Variants in IL2RB observed in about 807,000 individuals in gnomAD.
IL2RB encodes the protein interleukin-2 receptor subunit beta.
In IL2RB, 17 loss-of-function variants were observed where a neutral mutation model predicts 44.2. The ratio of observed to expected loss-of-function variants is 0.38; its 90% confidence interval spans 0.26 to 0.58. The LOEUF is 0.58. Ranked by LOEUF, IL2RB falls within the 20% of genes least tolerant of loss-of-function variation. IL2RB has a pLI of 0.63. For missense variants in IL2RB, 624 were observed against 685.5 expected, an observed-to-expected ratio of 0.91 and a Z score of 1.00; for synonymous variants, 286 against 297.9, an observed-to-expected ratio of 0.96 and a Z score of 0.41.
At position 37,142,440 on chromosome 22, in the gene IL2RB, G is replaced by T; in HGVS notation, c.276C>A (p.Ala92=). ...ASWACNLILG[A]PDSQKLTTVD... is the part of the protein sequence containing the mutation. Reference sequence around the variant, plus strand: ...CCCTGGGTGGGCTACTCACATCTGGGGCTCCGAGGATCAGGTTGCAGGCCC... The same window carrying T: ...CCCTGGGTGGGCTACTCACATCTGGTGCTCCGAGGATCAGGTTGCAGGCCC... The change falls in exon 4 of 10, where the codon GCC becomes GCA. Residue 92 remains alanine, a synonymous_variant. Coordinates refer to ENST00000216223, the MANE Select transcript of IL2RB (RefSeq NM_000878.5). The T allele has an allele frequency of 6.2e-7, 1 of 1,614,116 alleles. No homozygotes were observed. The highest frequency in any genetic ancestry group is 2.2e-5 in the East Asian group (1 of 44,890).
chr22:37,135,336 G>A lies in IL2RB; in HGVS notation c.810C>T (p.Thr270=), dbSNP rs115475423. ...LVYLLINCRN[T]GPWLKKVLKC... is the part of the protein sequence containing the mutation. The stretch of plus-strand genomic sequence containing the variant: ...GAGGAGAACCTTCTTACCATGGCCC[G>A]GTGTTCCTGCAGTTGATCAGCAAGT... The change falls in exon 8 of 10, where the codon ACC becomes ACT. Residue 270 remains threonine, a synonymous_variant. Coordinates refer to ENST00000216223, the MANE Select transcript of IL2RB (RefSeq NM_000878.5). The A allele has an allele frequency of 5.8e-4, 941 of 1,612,290 alleles. 1 individual carries two copies. The African/African-American group carries it at 7.0e-3, about 12-fold the overall frequency.
intron 8 of IL2RB, among the ~76,000 whole-genome samples, chr22:37,132,843 G>A (rs985074412): frequency 6.6e-6 from 1 of 152,240 alleles, no homozygotes; most frequent in Non-Finnish European, 1.5e-5. Context: ...GCTAGAAGAA[G>A]TGGAATGAAC....
chr22:37,140,286 CATTATTATTATTATT>C (rs58127106), intron 4 of IL2RB, among the ~76,000 whole-genome samples: 3,187 of 145,460 alleles, frequency 0.022, 57 homozygotes, highest in African/African-American at 0.051. Flanking sequence ...ATAGTAGTCT[CATTATTATTATTATT>C]ATTATTATTA....
At position 37,143,550 on chromosome 22, in the gene IL2RB, G is replaced by A. The variant is rs1922068908; in HGVS notation, c.174C>T (p.Ser58=). The A allele has an allele frequency of 6.2e-7, 1 of 1,613,764 alleles. No homozygotes were observed. Among genetic ancestry groups the A allele is most frequent in the Non-Finnish European group, 8.5e-7 (1 of 1,179,766 alleles). ...TGTCCGGCCAGGCATGGACTTGGCA[G>A]GAAGTGTCCTGCAGAGCCCCATCTT... ...WSQDGALQDT[S]CQVHAWPDRR... is the part of the protein sequence containing the mutation. Residue 58 remains serine (S), a synonymous_variant, in exon 3 of 10, where the codon TCC becomes TCT. Coordinates refer to ENST00000216223, the MANE Select transcript of IL2RB (RefSeq NM_000878.5).
chr22:37,137,113 T>C (rs1921746935), intron 6 of IL2RB, among the ~76,000 whole-genome samples: 2 of 152,116 alleles, frequency 1.3e-5, no homozygotes, highest in South Asian at 2.1e-4. Flanking sequence ...TTCCTGAGAG[T>C]GGAAGTTTGC....
At chr22:37,136,444 C>T (rs1281548621) in intron 6 of IL2RB, 51 bp from the exon 7 acceptor site, 8 of 1,549,748 alleles carry the variant, frequency 5.2e-6, no homozygotes, top group East Asian at 2.4e-5. Context: ...CATGGCAGGG[C>T]CAGGAGGCTG....
chr22:37,128,173 C>A lies in IL2RB; in HGVS notation c.1579G>T (p.Ala527Ser). The part of the protein sequence containing the change: ...PGQGEFRALN[A>S]RLPLNTDAYL... ...GCATCAGTGTTCAGGGGCAGGCGAGCATTAAGGGCCCTGAACTCCCCCTGC... is the reference window on the plus strand; with the variant it reads ...GCATCAGTGTTCAGGGGCAGGCGAGAATTAAGGGCCCTGAACTCCCCCTGC... Residue 527 changes from alanine (A) to serine (S), a missense_variant, in exon 10 of 10, where the codon GCT becomes TCT. Physicochemically the swap from Ala to Ser is moderately conservative, Grantham distance 99 (BLOSUM62 1). This residue lies in a region of IL2RB where 291 missense variants were observed against 275.5 expected (regional missense o/e 1.06). Coordinates refer to ENST00000216223, the MANE Select transcript of IL2RB (RefSeq NM_000878.5). The surrounding 1 kb of genome is among the most constrained non-coding windows in gnomAD (Gnocchi z 4.5). 6.4e-7 allele frequency: 1 copy of A among 1,558,438 alleles called. No homozygotes were observed. The highest frequency in any genetic ancestry group is 2.0e-5 in the Admixed American group (1 of 49,146).
Position 37,149,869 on chromosome 22 carries a change from C to T in IL2RB, c.-78G>A, listed in dbSNP as rs1414839223. The stretch of plus-strand genomic sequence containing the variant: ...GTGGCAGCGCGCGCTCTCCAGTCCT[C>T]CCCGGTGCTGGGACCGTGGCCATCT... On this transcript the variant is annotated 5_prime_UTR_variant, in exon 1 of 10. Transcript: ENST00000216223. 2.0e-6 allele frequency: 2 copies of T among 985,608 alleles called. No homozygotes were observed. The highest frequency in any genetic ancestry group is 3.5e-5 in the African/African-American group (2 of 57,210). The allele number at this position is 985,608 out of a possible 1,614,324, so 61.1% of individuals were successfully genotyped here. A position where few individuals can be genotyped will look rare whatever the true frequency, so the allele number is the denominator to read the frequency against.
chr22:37,143,455 G>C, intron 3 of IL2RB, 66 bp downstream of exon 3: 1 of 1,083,250 alleles, frequency 9.2e-7, no homozygotes, highest in Non-Finnish European at 1.4e-6. Flanking sequence ...TTGGAGTCCA[G>C]TGCATAGGAT....
At position 37,135,455 on chromosome 22, in the gene IL2RB, G is replaced by A. The variant is rs1041863514; in HGVS notation, c.704-13C>T. 3.1e-5 allele frequency: 48 copies of A among 1,545,104 alleles called. No homozygotes were observed. The African/African-American group carries it at 5.7e-4, about 18-fold the overall frequency. ...TCCTTCCCAAGGGCTGCCCAGGGGT[G>A]GGAGAAACAGCAAGGAGAGGGGTTA... On this transcript the variant is annotated splice_polypyrimidine_tract_variant and intron_variant, in intron 7 of 9. Transcript: ENST00000216223.
Position 37,163,629 on chromosome 22 carries a change from T to C in IL2RB, c.-34+11329A>G, listed in dbSNP as rs556632628. 9.1e-4 allele frequency among the ~76,000 whole-genome samples: 138 copies of C among 152,310 alleles called. 1 individual carries two copies. Among genetic ancestry groups the C allele is most frequent in the African/African-American group, 3.2e-3 (135 of 41,566 alleles). On this transcript the variant is annotated intron_variant, in intron 1 of 5. Transcript: ENST00000429622. ...AGGGAGGAGGGACTCTTCTCAGCCC[T>C]TGGGAGGGGCTCCTGGCATGAGGAT... is the stretch of plus-strand genomic sequence containing the variant.
rs182482913 is a variant in IL2RB at position 37,128,599 on chromosome 22, C to G, written c.1153G>C (p.Asp385His). 1 of 1,614,060 alleles carries G rather than the reference C, an allele frequency of 6.2e-7. No homozygotes were observed. ...IEACQVYFTYDPYSEEDPDEG... is the reference protein window; with the variant it reads ...IEACQVYFTYHPYSEEDPDEG... ...TCAGGGTCTTCCTCTGAGTAGGGGT[C>G]GTAAGTAAAGTACACCTGGCAGGCC... Residue 385 changes from aspartate (D) to histidine (H), a missense_variant, in exon 10 of 10, where the codon GAC becomes CAC. Transcript: ENST00000216223. This position sits in a 1 kb window ranked among gnomAD's most constrained non-coding sequence, Gnocchi z 4.5.
chr22:37,169,887 T>C (rs1923215676), intron 1 of IL2RB, among the ~76,000 whole-genome samples: 1 of 152,230 alleles, frequency 6.6e-6, no homozygotes, highest in Non-Finnish European at 1.5e-5. Context: ...TCTGCATTTC[T>C]TTATGCTGCC....
At chr22:37,156,497 G>C (rs1459251660) in intron 1 of IL2RB, among the ~76,000 whole-genome samples, 1 of 152,180 alleles carries the variant, frequency 6.6e-6, no homozygotes, top group Non-Finnish European at 1.5e-5. Flanking sequence ...TGCTACTAGG[G>C]TCTCTTCAAT....
chr22:37,144,284 G>T, intron 1 of IL2RB, 79 bp from the exon 2 acceptor site: 2 of 1,461,850 alleles, frequency 1.4e-6, no homozygotes, highest in East Asian at 2.5e-5. Context: ...GGCTGGGCCC[G>T]CCCCCTCAGT....
At position 37,163,064 on chromosome 22, in the gene IL2RB, T is replaced by G. The variant is rs550411386; in HGVS notation, c.-34+11894A>C. Among the ~76,000 whole-genome samples the G allele has an allele frequency of 5.3e-4, 81 of 152,306 alleles. No individual in the cohort carries two copies. The Middle Eastern group carries it at 0.024, about 45-fold the overall frequency. ...AGCCCCAGCAGTGCCTCCAACTCACTAGGGTCGCTCCCTGCAGTCATCACT... is the reference window on the plus strand; with the variant it reads ...AGCCCCAGCAGTGCCTCCAACTCACGAGGGTCGCTCCCTGCAGTCATCACT... On this transcript the variant is annotated intron_variant, in intron 1 of 5. Transcript: ENST00000429622.
rs1263241451 is a variant in IL2RB, at chr22:37,132,429, C to T, written c.858G>A (p.Ser286=). 3.7e-6 allele frequency: 6 copies of T among 1,613,968 alleles called. No individual in the cohort carries two copies. The highest frequency in any genetic ancestry group is 2.2e-5 in the East Asian group (1 of 44,894). The change falls in exon 9 of 10, where the codon TCG becomes TCA. Residue 286 remains serine, a synonymous_variant. Transcript: ENST00000216223. ...CTGAGCTCAGCTGGGAAAAGAACTT[C>T]GAGGGGTCTGGGGTGTTACACTTCA... The part of the protein sequence containing the change: ...KVLKCNTPDP[S]KFFSQLSSEH...
chr22:37,155,447 T>C (rs743776), intron 1 of IL2RB, among the ~76,000 whole-genome samples: 45,170 of 152,084 alleles, frequency 0.3, 6,822 homozygotes, highest in Non-Finnish European at 0.32. Flanking sequence ...TTGACCCACA[T>C]GTCCTACAGG....
intron 1 of IL2RB, chr22:37,166,851 T>C (rs1269362918): frequency 6.6e-6 from 1 of 151,842 alleles, no homozygotes; most frequent in Non-Finnish European, 1.5e-5. Context: ...GGAAGCAAAC[T>C]GGGCCCCTGG....
Sources: allele counts gnomAD v4.1 joint callset (sites outside exome capture counted in the v4.1 genomes callset), GRCh38; gene constraint gnomAD v4.1.1; regional missense constraint gnomAD v4.1.1; non-coding constraint Gnocchi (gnomAD v3.1); transcripts MANE v1.5; gene names NCBI Gene and HGNC (gene_info 2026-07-23, HGNC 2026-07-21).